The following DARS2 variants were observed in gnomAD, a reference collection of about 807,000 sequenced individuals.
The protein encoded by DARS2 is aspartyl-tRNA synthetase 2, mitochondrial, also known as aspartate--tRNA ligase, mitochondrial.
In DARS2, 63 loss-of-function variants were observed where a neutral mutation model predicts 83.0. The observed-to-expected ratio is 0.76, with a 90% CI of 0.62 to 0.94. DARS2 has a LOEUF of 0.94. Ranked by LOEUF, DARS2 falls within the 40% of genes least tolerant of loss-of-function variation. The pLI is 0.00. For synonymous variants in DARS2, 250 were observed against 269.3 expected (o/e 0.93, Z 0.70); for missense variants, 675 against 774.4 (o/e 0.87, Z 1.52).
chr1:173,853,842 A>G lies in DARS2; in HGVS notation c.1611A>G (p.Gly537=), dbSNP rs772952769. Residue 537 remains glycine (G), a synonymous_variant, in exon 15 of 17, where the codon GGA becomes GGG. Coordinates refer to ENST00000649689, the MANE Select transcript of DARS2 (RefSeq NM_018122.5). ...TGGTTTTAAATGGCAATGAAATAGGAGGTGGTTCAATTCGAATTCACAATG... is the reference window on the plus strand; with the variant it reads ...TGGTTTTAAATGGCAATGAAATAGGGGGTGGTTCAATTCGAATTCACAATG... ...YDLVLNGNEI[G]GGSIRIHNAE... is the part of the protein sequence containing the mutation. The G allele has an allele frequency of 6.2e-7, 1 of 1,614,174 alleles. No homozygotes were observed.
Position 173,853,276 on chromosome 1 carries a change from G to A in DARS2, c.1345-73G>A, listed in dbSNP as rs138908634. 2,903 of 1,459,952 alleles carry A rather than the reference G, an allele frequency of 2.0e-3. 81 individuals are homozygous for A. In the Admixed American group the frequency reaches 0.042, roughly 21 times the overall value. The allele number at this position is 1,459,952 out of a possible 1,614,324, so 90.4% of individuals were successfully genotyped here. On this transcript the variant is annotated intron_variant, in intron 13 of 16. Transcript: ENST00000649689. ...CTTTCCTAGAGAATGGCCTGGCTTC[G>A]GAATCCAGGCTGTGTCATTTCCTGC...
chr1:173,854,593 A>G (rs1553204974), intron 15 of DARS2, among the ~76,000 whole-genome samples: 1 of 152,230 alleles, frequency 6.6e-6, no homozygotes. Flanking sequence ...GTACAAAAGT[A>G]AGCAGAGTCA....
At chr1:173,844,724 A>G (rs1324547952) in intron 11 of DARS2, among the ~76,000 whole-genome samples, 1 of 148,044 alleles carries the variant, frequency 6.8e-6, no homozygotes, top group African/African-American at 2.5e-5. Flanking sequence ...ATAACTGGAA[A>G]AAATAAGCAC....
At position 173,826,673 on chromosome 1, in the gene DARS2, T is replaced by C. The variant is rs745493589; in HGVS notation, c.128-14T>C. The C allele has an allele frequency of 1.9e-6, 3 of 1,577,822 alleles. No homozygotes were observed. The highest frequency in any genetic ancestry group is 2.6e-6 in the Non-Finnish European group (3 of 1,163,852). ...CTTGCCTTTTAAAGTTTCTTTTTTTTTTTTTTTTTAAAGAATTCAGTAGCT... is the reference window on the plus strand; with the variant it reads ...CTTGCCTTTTAAAGTTTCTTTTTTTCTTTTTTTTTAAAGAATTCAGTAGCT... On this transcript the variant is annotated splice_polypyrimidine_tract_variant and intron_variant, in intron 1 of 16. Coordinates refer to ENST00000649689, the MANE Select transcript of DARS2 (RefSeq NM_018122.5).
chr1:173,850,583 A>G, intron 13 of DARS2, 104 bp downstream of exon 13: 3 of 1,268,598 alleles, frequency 2.4e-6, no homozygotes, highest in Non-Finnish European at 3.3e-6. Context: ...TAATTCATAA[A>G]ATGGAGCTGC....
chr1:173,851,538 C>A (rs1653668868), intron 13 of DARS2, among the ~76,000 whole-genome samples: 1 of 152,030 alleles, frequency 6.6e-6, no homozygotes, highest in African/African-American at 2.4e-5. Flanking sequence ...AAAGTGGGAC[C>A]CTTTTTCCTC....
At chr1:173,837,187 C>A in intron 8 of DARS2, 141 bp downstream of exon 8, 2 of 759,172 alleles carry the variant, frequency 2.6e-6, no homozygotes, top group Non-Finnish European at 4.4e-6. Flanking sequence ...AAAATGCCCT[C>A]ATAATTTATA....
intron 8 of DARS2, among the ~76,000 whole-genome samples, 175 bp downstream of exon 8, chr1:173,837,221 T>G (rs1348028430): frequency 6.6e-6 from 1 of 151,634 alleles, no homozygotes; most frequent in Non-Finnish European, 1.5e-5. Flanking sequence ...AAAGGTTTAT[T>G]GGGTGGCCAC....
At chr1:173,846,340 A>G (rs933048879) in intron 12 of DARS2, among the ~76,000 whole-genome samples, 1 of 151,862 alleles carries the variant, frequency 6.6e-6, no homozygotes, top group Non-Finnish European at 1.5e-5. Flanking sequence ...CTAAATAAAT[A>G]AATATTAGCT....
At chr1:173,828,445 A>G (rs1441582878) in intron 3 of DARS2, 46 bp downstream of exon 3, 1 of 1,534,224 alleles carries the variant, frequency 6.5e-7, no homozygotes, top group East Asian at 2.3e-5. Context: ...CTTTGATGCT[A>G]TTGCTGGGGT....
At chr1:173,836,884 GGTTT>G (rs772931615) in intron 7 of DARS2, 52 bp from the exon 8 acceptor site, 18 of 1,424,682 alleles carry the variant, frequency 1.3e-5, no homozygotes, top group African/African-American at 8.4e-5. Flanking sequence ...TTATACTTTG[GGTTT>G]GTTTTTGTTT....
chr1:173,826,680 T>C lies in DARS2; in HGVS notation c.128-7T>C. ...TTTAAAGTTTCTTTTTTTTTTTTTT[T>C]TTAAAGAATTCAGTAGCTTTGTTGT... On this transcript the variant is annotated splice_polypyrimidine_tract_variant and splice_region_variant and intron_variant, in intron 1 of 16. Coordinates refer to ENST00000649689, the MANE Select transcript of DARS2 (RefSeq NM_018122.5). 2 of 1,585,996 alleles carry C rather than the reference T, an allele frequency of 1.3e-6. No individual in the cohort carries two copies. The highest frequency in any genetic ancestry group is 1.7e-6 in the Non-Finnish European group (2 of 1,169,180).
chr1:173,829,689 C>T (rs1652722546), intron 3 of DARS2, among the ~76,000 whole-genome samples: 1 of 151,972 alleles, frequency 6.6e-6, no homozygotes, highest in African/African-American at 2.4e-5. Context: ...GCAGGTGGAT[C>T]TCGAGGTCAG....
intron 7 of DARS2, among the ~76,000 whole-genome samples, chr1:173,836,409 G>T (rs1419241531): frequency 6.6e-6 from 1 of 151,804 alleles, no homozygotes; most frequent in Non-Finnish European, 1.5e-5. Context: ...GCATGGTGGT[G>T]GCAGGCACCT....
Position 173,834,498 on chromosome 1 carries a change from A to G in DARS2, c.642A>G (p.Thr214=), listed in dbSNP as rs1221725795. 1.9e-6 allele frequency: 3 copies of G among 1,606,962 alleles called. No individual in the cohort carries two copies. Among genetic ancestry groups the G allele is most frequent in the African/African-American group, 1.3e-5 (1 of 74,828 alleles). The change falls in exon 7 of 17, where the codon ACA becomes ACG. Residue 214 remains threonine, a synonymous_variant. Transcript: ENST00000649689. ...GGTTTGTGGATATAGAAACCCCCAC[A>G]TTGTTTAAGAGGACCCCAGGGGTAT... is the stretch of plus-strand genomic sequence containing the variant. The part of the protein sequence containing the change: ...LHGFVDIETP[T]LFKRTPGGAK...
chr1:173,853,451 G>T lies in DARS2; in HGVS notation c.1447G>T (p.Asp483Tyr), dbSNP rs1227789144. 1.2e-6 allele frequency: 2 copies of T among 1,613,958 alleles called. No individual in the cohort carries two copies. Among genetic ancestry groups the T allele is most frequent in the African/African-American group, 2.7e-5 (2 of 74,872 alleles). ...PTLFSFLWVV[D>Y]FPLFLPKEEN... ...TCTGTTCTCTTTCCTTTGGGTGGTA[G>T]ATTTCCCACTCTTCCTGCCCAAGGA... The change falls in exon 14 of 17, where the codon GAT (aspartate) becomes TAT (tyrosine). Residue 483 changes from aspartate to tyrosine, a missense_variant. Coordinates refer to ENST00000649689, the MANE Select transcript of DARS2 (RefSeq NM_018122.5).
intron 15 of DARS2, among the ~76,000 whole-genome samples, chr1:173,855,232 T>C (rs1164564361): frequency 6.6e-6 from 1 of 151,400 alleles, no homozygotes. Context: ...GCCTCCTGAG[T>C]AGCTGGGATT....
chr1:173,832,857 C>G (rs1451494660), intron 5 of DARS2, among the ~76,000 whole-genome samples: 1 of 151,574 alleles, frequency 6.6e-6, no homozygotes, highest in Non-Finnish European at 1.5e-5. Context: ...CCTTTGCATT[C>G]TTTACACTTG....
chr1:173,850,283 C>A (rs1056187108), intron 12 of DARS2, 44 bp from the exon 13 acceptor site: 169 of 1,368,880 alleles, frequency 1.2e-4, no homozygotes, highest in African/African-American at 6.1e-4. Context: ...TCCCACTGTT[C>A]AAAAAAAAAA....
Sources: gnomAD v4.1 joint callset for allele counts (sites outside exome capture counted in the v4.1 genomes callset) on GRCh38, gnomAD v4.1.1 for gene constraint, MANE v1.5 for transcripts, NCBI Gene and HGNC (gene_info 2026-07-23, HGNC 2026-07-21) for gene names.